Variants in CDH8 observed in about 807,000 individuals in gnomAD.
The protein encoded by CDH8 is cadherin-8.
CDH8 carries 17 observed loss-of-function variants against 68.1 expected under a neutral mutation model. That is an observed-to-expected ratio of 0.25 (90% CI 0.17 to 0.37). The LOEUF (loss-of-function observed/expected upper bound fraction) is 0.37. CDH8 is among the 10% of genes least tolerant of loss of function. The probability of loss-of-function intolerance (pLI) is 1.00; values close to 1 mark genes in which losing one functional copy is unlikely to be tolerated. For missense variants in CDH8, 763 were observed against 999.3 expected (o/e 0.76, Z 3.19); for synonymous variants, 372 against 365.1 (o/e 1.02, Z -0.21).
At chr16:61,923,880 T>C (rs1964415803) in intron 2 of CDH8, among the ~76,000 whole-genome samples, 1 of 147,982 alleles carries the variant, frequency 6.8e-6, no homozygotes, top group African/African-American at 2.5e-5. Context: ...TTACTATATA[T>C]ATTTAAATAT....
intron 10 of CDH8, among the ~76,000 whole-genome samples, chr16:61,671,565 T>A (rs1963795695): frequency 6.6e-6 from 1 of 152,006 alleles, no homozygotes; most frequent in African/African-American, 2.4e-5. Context: ...ATATGTGATA[T>A]TAAAACAGCC....
intron 8 of CDH8, among the ~76,000 whole-genome samples, chr16:61,745,442 G>T (rs770324695): frequency 2.0e-5 from 3 of 151,786 alleles, no homozygotes; most frequent in Non-Finnish European, 2.9e-5. Flanking sequence ...TTCAAATATT[G>T]CATCTTCTCT....
chr16:61,768,349 T>TCTCTCTCTCTCTCTCC (rs1960662472), intron 8 of CDH8, among the ~76,000 whole-genome samples: 2 of 112,374 alleles, frequency 1.8e-5, no homozygotes, highest in East Asian at 2.7e-4. Flanking sequence ...TCTCTCTCTC[T>TCTCTCTCTCTCTCTCC]CTCTCTCTCT....
chr16:61,869,879 T>A (rs1364056760), intron 3 of CDH8, among the ~76,000 whole-genome samples: 2 of 152,176 alleles, frequency 1.3e-5, no homozygotes, highest in Non-Finnish European at 2.9e-5. Context: ...TTTCAATTCT[T>A]CCTAGTTGCC....
intron 9 of CDH8, among the ~76,000 whole-genome samples, chr16:61,720,208 T>C (rs532361954): frequency 2.0e-5 from 3 of 151,074 alleles, no homozygotes; most frequent in Non-Finnish European, 4.5e-5. Context: ...AGCTTCTCTG[T>C]CTTCCCAGTA....
At position 61,737,118 on chromosome 16, in the gene CDH8, T is replaced by C. The variant is rs114108818; in HGVS notation, c.1415-9903A>G. Among the ~76,000 whole-genome samples the C allele has an allele frequency of 6.6e-3, 1,003 of 152,280 alleles. 9 individuals carry two copies. The highest frequency in any genetic ancestry group is 0.023 in the African/African-American group (969 of 41,564). On this transcript the variant is annotated intron_variant, in intron 8 of 11. Transcript: ENST00000577390. ...ATGAATTGCCCATTAATTTTGCCCT[T>C]TTATAATGAAAGGTAATGGAATACT... is the stretch of plus-strand genomic sequence containing the variant.
At chr16:61,983,471 TGATA>T (rs1965572621) in intron 2 of CDH8, among the ~76,000 whole-genome samples, 3 of 152,194 alleles carry the variant, frequency 2.0e-5, no homozygotes, top group African/African-American at 7.2e-5. Flanking sequence ...AATTACTAGG[TGATA>T]GATATAGTTA....
chr16:61,654,465 A>G (rs1963395906), intron 11 of CDH8, among the ~76,000 whole-genome samples: 1 of 152,034 alleles, frequency 6.6e-6, no homozygotes, highest in South Asian at 2.1e-4. Flanking sequence ...CAAGTCCTTT[A>G]ACATCCTTTG....
chr16:61,998,938 A>G (rs938883337), intron 2 of CDH8, among the ~76,000 whole-genome samples: 5 of 152,208 alleles, frequency 3.3e-5, no homozygotes, highest in African/African-American at 1.2e-4. Flanking sequence ...TTGGAAGGAT[A>G]GATATTATAT....
intron 2 of CDH8, among the ~76,000 whole-genome samples, chr16:61,922,035 AAAAT>A (rs2033511595): frequency 6.6e-6 from 1 of 152,124 alleles, no homozygotes; most frequent in South Asian, 2.1e-4. Context: ...GGGAAAAAAA[AAAAT>A]AGAGGTCACA....
chr16:62,006,325 A>T (rs759720242), intron 2 of CDH8, among the ~76,000 whole-genome samples: 1 of 152,236 alleles, frequency 6.6e-6, no homozygotes, highest in African/African-American at 2.4e-5. Context: ...AGAACCAAGT[A>T]AACTGAGGGA....
At chr16:61,841,956 C>T (rs557029200) in intron 4 of CDH8, among the ~76,000 whole-genome samples, 49 of 152,000 alleles carry the variant, frequency 3.2e-4, no homozygotes, top group Non-Finnish European at 5.4e-4. Context: ...GGCACGATCT[C>T]GGTTCACTGC....
intron 1 of CDH8, among the ~76,000 whole-genome samples, chr16:62,033,384 T>G (rs1567576851): frequency 6.6e-6 from 1 of 152,224 alleles, no homozygotes; most frequent in Admixed American, 6.5e-5. Context: ...GCTATTCTAG[T>G]GAAGACTGCT....
intron 2 of CDH8, among the ~76,000 whole-genome samples, chr16:62,012,965 C>T (rs998023738): frequency 3.6e-5 from 4 of 111,574 alleles, no homozygotes; most frequent in African/African-American, 1.3e-4. Flanking sequence ...TTTAAATTAA[C>T]TACTTAAGGC....
chr16:61,708,514 T>C (rs1170679921), intron 10 of CDH8, among the ~76,000 whole-genome samples: 1 of 152,158 alleles, frequency 6.6e-6, no homozygotes, highest in Non-Finnish European at 1.5e-5. Flanking sequence ...ATATGAAAAC[T>C]ACAAAATAAC....
At chr16:61,695,524 G>T (rs1964308281) in intron 10 of CDH8, among the ~76,000 whole-genome samples, 2 of 152,114 alleles carry the variant, frequency 1.3e-5, no homozygotes, top group South Asian at 4.1e-4. Context: ...GAACAACCCT[G>T]CAGATTCTGT....
chr16:61,658,061 C>T (rs549281316), intron 10 of CDH8, among the ~76,000 whole-genome samples: 5 of 151,950 alleles, frequency 3.3e-5, no homozygotes, highest in Non-Finnish European at 7.4e-5. Context: ...ACATCAATTC[C>T]TTTTTTACCT....
At chr16:61,914,116 G>C (rs1486044463) in intron 2 of CDH8, among the ~76,000 whole-genome samples, 1 of 152,112 alleles carries the variant, frequency 6.6e-6, no homozygotes. Flanking sequence ...ACCGTGTCAG[G>C]ACACAGAGAG....
At chr16:62,018,418 G>A (rs1020863150) in intron 2 of CDH8, among the ~76,000 whole-genome samples, 4 of 152,144 alleles carry the variant, frequency 2.6e-5, no homozygotes, top group South Asian at 2.1e-4. Context: ...CTTCTCAGCC[G>A]GTTCCTGGGG....
Sources: allele counts gnomAD v4.1 joint callset (sites outside exome capture counted in the v4.1 genomes callset), GRCh38; gene constraint gnomAD v4.1.1; transcripts MANE v1.5; gene names NCBI Gene and HGNC (gene_info 2026-07-23, HGNC 2026-07-21).